The following SCOC variants were observed in gnomAD, a reference collection of about 807,000 sequenced individuals.
SCOC encodes the protein short coiled coil protein.
In SCOC, 7 loss-of-function variants were observed where a neutral mutation model predicts 9.9. The ratio of observed to expected loss-of-function variants is 0.71; its 90% CI spans 0.40 to 1.33. The LOEUF (loss-of-function observed/expected upper bound fraction) is 1.33, where lower values mean the gene tolerates loss of function less well. Among genes scored for constraint, SCOC ranks in the 40% most tolerant of loss-of-function variants. The pLI is 0.01. For missense variants in SCOC, 66 were observed against 89.7 expected (o/e 0.74, Z 1.07); for synonymous variants, 19 against 28.2 (o/e 0.67, Z 1.03).
chr4:140,297,269 T>TGGGG (rs11287239), intron 1 of SCOC, among the ~76,000 whole-genome samples: 4 of 148,100 alleles, frequency 2.7e-5, no homozygotes, highest in African/African-American at 9.9e-5. Flanking sequence ...CTGGTGACTG[T>TGGGG]GGGGGGGGGG....
chr4:140,293,174 T>C (rs1342014923), intron 1 of SCOC: 1 of 400,916 alleles, frequency 2.5e-6, no homozygotes, highest in Non-Finnish European at 5.0e-6. Flanking sequence ...TGCAAAGCCA[T>C]TCTCCCCCAA....
At chr4:140,357,518 C>T (rs1727283016) in intron 2 of SCOC, among the ~76,000 whole-genome samples, 1 of 152,218 alleles carries the variant, frequency 6.6e-6, no homozygotes, top group Non-Finnish European at 1.5e-5. Context: ...CTGGCACCTC[C>T]TGCAGTGAAT....
chr4:140,294,747 C>T (rs1352924667), intron 1 of SCOC, among the ~76,000 whole-genome samples: 1 of 152,184 alleles, frequency 6.6e-6, no homozygotes, highest in Non-Finnish European at 1.5e-5. Flanking sequence ...GCCCAATCCA[C>T]CATAAGCTGA....
intron 2 of SCOC, among the ~76,000 whole-genome samples, chr4:140,352,815 A>G (rs924962380): frequency 6.6e-6 from 1 of 152,206 alleles, no homozygotes; most frequent in African/African-American, 2.4e-5. Context: ...TAGAATAAGC[A>G]CAAAAAAAGG....
chr4:140,372,265 T>C (rs1420638764), upstream of SCOC, among the ~76,000 whole-genome samples: 1 of 152,260 alleles, frequency 6.6e-6, no homozygotes, highest in Non-Finnish European at 1.5e-5. Flanking sequence ...TTTTATTCTA[T>C]GTATATTTCA....
At chr4:140,380,194 CTTTTTT>C (rs993271002) in intron 3 of SCOC, among the ~76,000 whole-genome samples, 7 of 108,420 alleles carry the variant, frequency 6.5e-5, no homozygotes, top group East Asian at 2.6e-4. Flanking sequence ...TTTTCTTTTT[CTTTTTT>C]TTTTTTTTTT....
At position 140,383,189 on chromosome 4, in the gene SCOC, G is replaced by C. The variant is rs1349151182; in HGVS notation, c.*2085G>C. 2.0e-5 allele frequency: 3 copies of C among 152,172 alleles called. No homozygotes were observed. Among genetic ancestry groups the C allele is most frequent in the Non-Finnish European group, 4.4e-5 (3 of 68,028 alleles). 9.4% of individuals were successfully genotyped at this position (152,172 alleles called of 1,614,324 possible). On this transcript the variant is annotated 3_prime_UTR_variant, in exon 4 of 4. Coordinates refer to ENST00000608372, the MANE Select transcript of SCOC (RefSeq NM_001153484.2). ...AGCCATCTTCCAGCTATAAATACAA[G>C]ATTTTGGTGGCTGCTAGCAGCCTCA...
rs575772019 is a variant in SCOC at position 140,303,908 on chromosome 4, C to T, written c.-18-39713C>T. Among the ~76,000 whole-genome samples, 4 of 152,290 alleles carry T rather than the reference C, an allele frequency of 2.6e-5. No individual in the cohort carries two copies. In the South Asian group the frequency reaches 6.2e-4, roughly 24 times the overall value. On this transcript the variant is annotated intron_variant, in intron 1 of 4. Coordinates refer to the SCOC transcript ENST00000394205. ...CGGTGCCACCTCCGTTACCTACATA[C>T]GATTTGCTCATTTAATCATTTATTC...
At chr4:140,276,373 A>G (rs781325603) in intron 1 of SCOC, among the ~76,000 whole-genome samples, 3 of 152,044 alleles carry the variant, frequency 2.0e-5, no homozygotes, top group Non-Finnish European at 4.4e-5. Context: ...TCCTGACCTC[A>G]AGTGATCCGC....
chr4:140,369,079 A>C (rs890037563), upstream of SCOC, among the ~76,000 whole-genome samples: 4 of 152,216 alleles, frequency 2.6e-5, no homozygotes, highest in South Asian at 2.1e-4. Context: ...GTACATTGGT[A>C]ATTTCTTACA....
intron 1 of SCOC, among the ~76,000 whole-genome samples, chr4:140,282,718 T>TAAGAGCTTTTATCTAAGAGCCTAAGAGG (rs1731129728): frequency 1.3e-5 from 2 of 152,226 alleles, no homozygotes; most frequent in Non-Finnish European, 2.9e-5. Flanking sequence ...GGCTTTTATC[T>TAAGAGCTTTTATCTAAGAGCCTAAGAGG]CTTTAACCTC....
In SCOC at chr4:140,284,999, CATG is replaced by C. The variant is rs1320449782; in HGVS notation, c.-19+27592_-19+27594del. ...CCTATTCATTCCAATTGAAAACTCT[CATG>C]ATAATGGTTAACGTCTTGCACTTTC... On this transcript the variant is annotated intron_variant, in intron 1 of 4. Coordinates refer to the SCOC transcript ENST00000394205. 1.7e-5 allele frequency: 5 copies of C among 288,806 alleles called. No homozygotes were observed. The East Asian group carries it at 3.3e-4, about 19-fold the overall frequency. The allele number at this position is 288,806 out of a possible 1,614,324, so 17.9% of individuals were successfully genotyped here. A position where few individuals can be genotyped will look rare whatever the true frequency, so the allele number is the denominator to read the frequency against.
chr4:140,316,704 C>G (rs1055654170), intron 1 of SCOC, among the ~76,000 whole-genome samples: 5 of 152,092 alleles, frequency 3.3e-5, no homozygotes. Flanking sequence ...GGAATCATTA[C>G]AATTGAGGGC....
At position 140,325,461 on chromosome 4, in the gene SCOC, C is replaced by T. The variant is rs867447458; in HGVS notation, c.-18-18160C>T. Among the ~76,000 whole-genome samples, 4 of 152,194 alleles carry T rather than the reference C, an allele frequency of 2.6e-5. No individual in the cohort carries two copies. In the South Asian group the frequency reaches 8.3e-4, roughly 32 times the overall value. On this transcript the variant is annotated intron_variant, in intron 1 of 4. Transcript: ENST00000394205. Reference sequence around the variant, plus strand: ...TTTCCAGAGTGTATATATAATATGTCTCTCTCTATATAATGACATGTTAAA... The same window carrying T: ...TTTCCAGAGTGTATATATAATATGTTTCTCTCTATATAATGACATGTTAAA...
At chr4:140,326,636 T>C (rs1016502219) in intron 1 of SCOC, among the ~76,000 whole-genome samples, 11 of 24,666 alleles carry the variant, frequency 4.5e-4, no homozygotes, top group African/African-American at 2.3e-3. Context: ...AAATGAGTTA[T>C]AGGCAGACCC....
intron 1 of SCOC, among the ~76,000 whole-genome samples, chr4:140,293,036 A>C (rs1372602317): frequency 2.6e-5 from 4 of 152,208 alleles, no homozygotes; most frequent in African/African-American, 9.7e-5. Flanking sequence ...CTGTATGTCA[A>C]CTGCTCTTGG....
At chr4:140,287,503 A>G (rs1223430809) in intron 1 of SCOC, among the ~76,000 whole-genome samples, 1 of 151,802 alleles carries the variant, frequency 6.6e-6, no homozygotes, top group Admixed American at 6.6e-5. Context: ...CCATGCACAT[A>G]CATCTACCAT....
intron 1 of SCOC, among the ~76,000 whole-genome samples, chr4:140,301,162 G>C (rs1401576776): frequency 6.6e-6 from 1 of 152,194 alleles, no homozygotes; most frequent in Non-Finnish European, 1.5e-5. Context: ...TGGAGGCATG[G>C]TTGAAGTCCT....
At chr4:140,304,981 T>G (rs781716990) in intron 1 of SCOC, among the ~76,000 whole-genome samples, 1 of 152,206 alleles carries the variant, frequency 6.6e-6, no homozygotes, top group Non-Finnish European at 1.5e-5. Flanking sequence ...GTATTATTGA[T>G]CACACAATCC....
Sources: gnomAD v4.1 joint callset for allele counts (sites outside exome capture counted in the v4.1 genomes callset) on GRCh38, gnomAD v4.1.1 for gene constraint, MANE v1.5 for transcripts, NCBI Gene and HGNC (gene_info 2026-07-23, HGNC 2026-07-21) for gene names.